The following ZNF610 variants were observed in gnomAD, a reference collection of about 807,000 sequenced individuals.
The protein encoded by ZNF610 is zinc finger protein 610.
In ZNF610, 14 loss-of-function variants were observed where a neutral mutation model predicts 14.1. That is an observed-to-expected ratio of 0.99 (90% CI 0.65 to 1.55). The LOEUF is 1.55. Ranked by LOEUF, ZNF610 falls within the 40% of genes most tolerant of loss-of-function variation. The probability of loss-of-function intolerance (pLI) is 0.00; values close to 1 mark genes in which losing one functional copy is unlikely to be tolerated. For missense variants in ZNF610, 530 were observed against 558.0 expected, an observed-to-expected ratio of 0.95 and a Z score of 0.51; for synonymous variants, 185 against 187.6, an observed-to-expected ratio of 0.99 and a Z score of 0.11.
At chr19:52,338,069 G>A (rs1289465774) in intron 1 of ZNF610, among the ~76,000 whole-genome samples, 4 of 152,328 alleles carry the variant, frequency 2.6e-5, no homozygotes, top group East Asian at 1.9e-4. Flanking sequence ...TGGGTGTTGT[G>A]TAATTTAACT....
intron 1 of ZNF610, among the ~76,000 whole-genome samples, chr19:52,341,691 A>G (rs950288451): frequency 1.3e-5 from 2 of 152,154 alleles, no homozygotes; most frequent in African/African-American, 4.8e-5. Flanking sequence ...CAGTGAGGCA[A>G]TCATAGCTCA....
chr19:52,337,050 G>A (rs1984419826), intron 1 of ZNF610, among the ~76,000 whole-genome samples: 1 of 152,214 alleles, frequency 6.6e-6, no homozygotes, highest in Admixed American at 6.6e-5. Flanking sequence ...TACAGAGACA[G>A]TGAATGAAGC....
chr19:52,365,120 C>T (rs372690039), intron 5 of ZNF610, among the ~76,000 whole-genome samples: 11 of 151,952 alleles, frequency 7.2e-5, no homozygotes, highest in South Asian at 4.2e-4. Context: ...TGGTGGCGTG[C>T]GCCTGTAGTT....
intron 3 of ZNF610, among the ~76,000 whole-genome samples, chr19:52,350,810 G>A (rs1389344837): frequency 2.0e-5 from 3 of 152,120 alleles, no homozygotes; most frequent in Non-Finnish European, 4.4e-5. Context: ...AGACCAGTCT[G>A]ACCAACATGG....
At chr19:52,333,442 C>T (rs571053614), upstream of ZNF610, among the ~76,000 whole-genome samples, 9 of 152,238 alleles carry the variant, frequency 5.9e-5, no homozygotes, top group Admixed American at 4.6e-4. Flanking sequence ...GGACCTGCAC[C>T]GCTGCCCTCT....
rs750659676 is a variant in ZNF610, at chr19:52,365,936, C to G, written c.558C>G (p.Phe186Leu). Reference protein sequence around the residue: ...FNKYRNDLIDFPLLPQEEKAY... With the variant: ...FNKYRNDLIDLPLLPQEEKAY... ...AATATAGAAATGATCTTATTGATTT[C>G]CCATTACTCCCACAAGAAGAGAAAG... Residue 186 changes from phenylalanine (F) to leucine (L), a missense_variant, in exon 6 of 6, where the codon TTC (phenylalanine) becomes TTG (leucine). By Grantham distance (22) the Phe-to-Leu change is conservative. Coordinates refer to ENST00000403906, the MANE Select transcript of ZNF610 (RefSeq NM_001161425.2). The G allele has an allele frequency of 6.2e-7, 1 of 1,613,052 alleles. No individual in the cohort carries two copies. The highest frequency in any genetic ancestry group is 2.2e-5 in the East Asian group (1 of 44,868).
upstream of ZNF610, among the ~76,000 whole-genome samples, chr19:52,335,554 C>T (rs1214484382): frequency 6.6e-6 from 1 of 152,102 alleles, no homozygotes; most frequent in African/African-American, 2.4e-5. Flanking sequence ...GAAAGGCAGA[C>T]CCACCTCAAT....
intron 1 of ZNF610, among the ~76,000 whole-genome samples, chr19:52,337,475 G>A (rs1313680136): frequency 6.6e-6 from 1 of 151,638 alleles, no homozygotes; most frequent in Non-Finnish European, 1.5e-5. Context: ...CAAATTGCCA[G>A]AATGGAGCAG....
upstream of ZNF610, among the ~76,000 whole-genome samples, chr19:52,334,936 A>ACACACACACACACACAC (rs1984299564): frequency 1.9e-3 from 78 of 41,604 alleles, 1 homozygote; most frequent in Middle Eastern, 0.01. Context: ...CTCAAAAACA[A>ACACACACACACACACAC]ACACACACAC....
chr19:52,342,428 T>C (rs927436424), intron 1 of ZNF610, among the ~76,000 whole-genome samples: 1 of 152,100 alleles, frequency 6.6e-6, no homozygotes, highest in African/African-American at 2.4e-5. Flanking sequence ...CATCTTTCTT[T>C]CCCTGTCAGC....
chr19:52,331,022 A>G, the ZNF610 span, among the ~76,000 whole-genome samples: 2 of 152,140 alleles, frequency 1.3e-5, no homozygotes, highest in Non-Finnish European at 1.5e-5. Context: ...TCCACCTCCA[A>G]GGAGGTGGAA....
At chr19:52,349,316 C>A in intron 3 of ZNF610, 81 bp downstream of exon 3, 2 of 1,465,398 alleles carry the variant, frequency 1.4e-6, no homozygotes, top group Non-Finnish European at 1.9e-6. Flanking sequence ...CGTTTGCTCA[C>A]ACTCACCCAT....
intron 1 of ZNF610, among the ~76,000 whole-genome samples, chr19:52,343,575 A>G (rs894481967): frequency 6.8e-6 from 1 of 147,100 alleles, no homozygotes; most frequent in African/African-American, 2.5e-5. Flanking sequence ...AAAAAAAAAA[A>G]TGTATTTGCT....
chr19:52,337,554 T>G (rs560872755), intron 1 of ZNF610, among the ~76,000 whole-genome samples: 1 of 149,528 alleles, frequency 6.7e-6, no homozygotes, highest in East Asian at 2.0e-4. Context: ...GGCAGAAAAA[T>G]AAGCCAATTC....
At chr19:52,333,384 G>T (rs1984252574), upstream of ZNF610, among the ~76,000 whole-genome samples, 1 of 152,202 alleles carries the variant, frequency 6.6e-6, no homozygotes, top group African/African-American at 2.4e-5. Flanking sequence ...GGAGGGACCG[G>T]CGCAGACACA....
At chr19:52,335,087 C>T (rs62108269), upstream of ZNF610, among the ~76,000 whole-genome samples, 10,264 of 150,450 alleles carry the variant, frequency 0.068, 412 homozygotes, top group Middle Eastern at 0.12. Context: ...GTGTGGATCA[C>T]GAGGTCAGGA....
At chr19:52,341,703 T>G (rs866980056) in intron 1 of ZNF610, among the ~76,000 whole-genome samples, 1 of 152,340 alleles carries the variant, frequency 6.6e-6, no homozygotes, top group Middle Eastern at 3.4e-3. Flanking sequence ...CATAGCTCAC[T>G]GTAACCTCGA....
intron 3 of ZNF610, among the ~76,000 whole-genome samples, chr19:52,352,583 G>A (rs1985310187): frequency 6.6e-6 from 1 of 152,006 alleles, no homozygotes; most frequent in Non-Finnish European, 1.5e-5. Flanking sequence ...CGCCTAAATG[G>A]CATTCTTTGT....
At chr19:52,352,977 C>T (rs1311904406) in intron 3 of ZNF610, among the ~76,000 whole-genome samples, 6 of 151,846 alleles carry the variant, frequency 4.0e-5, no homozygotes, top group Admixed American at 2.0e-4. Flanking sequence ...TTGCTCTTGT[C>T]GCCCAGGCTG....
Sources: gnomAD v4.1 joint callset for allele counts (sites outside exome capture counted in the v4.1 genomes callset) on GRCh38, gnomAD v4.1.1 for gene constraint, MANE v1.5 for transcripts, NCBI Gene and HGNC (gene_info 2026-07-23, HGNC 2026-07-21) for gene names.